CFAP70: variants seen among roughly 807,000 people sequenced by gnomAD.
CFAP70 encodes the protein cilia- and flagella-associated protein 70.
In CFAP70, 81 loss-of-function variants were observed where a neutral mutation model predicts 137.6. That is an observed-to-expected ratio of 0.59 (90% CI 0.49 to 0.71). CFAP70 has a LOEUF of 0.71. Among genes scored for constraint, CFAP70 ranks in the 30% least tolerant of loss-of-function variants. The pLI is 0.00. For missense variants in CFAP70, 976 were observed against 1,226.7 expected (o/e 0.80, Z 3.05); for synonymous variants, 382 against 423.6 (o/e 0.90, Z 1.20).
chr10:73,292,868 G>A (rs1166944543), intron 16 of CFAP70, among the ~76,000 whole-genome samples: 1 of 151,722 alleles, frequency 6.6e-6, no homozygotes, highest in East Asian at 1.9e-4. Flanking sequence ...TTCTTTGATC[G>A]ATCATGCTTC....
intron 26 of CFAP70, among the ~76,000 whole-genome samples, chr10:73,255,390 A>G (rs2044384373): frequency 1.3e-5 from 2 of 151,940 alleles, no homozygotes; most frequent in East Asian, 3.9e-4. Flanking sequence ...GCAAGACTCC[A>G]TCTCAAAAAA....
chr10:73,338,226 C>G (rs559535069), intron 6 of CFAP70, among the ~76,000 whole-genome samples: 95 of 150,316 alleles, frequency 6.3e-4, no homozygotes, highest in African/African-American at 2.1e-3. Flanking sequence ...CTCACTGCAG[C>G]CTCCGCCTCC....
upstream of CFAP70, among the ~76,000 whole-genome samples, chr10:73,361,322 GAC>G (rs2054999526): frequency 7.3e-6 from 1 of 136,636 alleles, no homozygotes; most frequent in African/African-American, 2.8e-5. Context: ...TCTTTATTGA[GAC>G]AGTCTTGCTC....
chr10:73,345,484 T>C (rs904982922), intron 4 of CFAP70, among the ~76,000 whole-genome samples: 4 of 152,054 alleles, frequency 2.6e-5, no homozygotes, highest in African/African-American at 9.7e-5. Flanking sequence ...TATATATAAA[T>C]ACATATAAAA....
chr10:73,284,407 A>G (rs1408964383), intron 19 of CFAP70, among the ~76,000 whole-genome samples: 1 of 151,994 alleles, frequency 6.6e-6, no homozygotes, highest in East Asian at 1.9e-4. Flanking sequence ...CACATTTGCA[A>G]AGTCTCTTTT....
intron 14 of CFAP70, 101 bp from the exon 16 acceptor site, chr10:73,297,274 C>T (rs962811672): frequency 7.8e-7 from 1 of 1,283,402 alleles, no homozygotes; most frequent in Admixed American, 2.7e-5. Context: ...ATCAAAATTT[C>T]AGAAAGCGAT....
chr10:73,320,979 A>G (rs959700567), intron 9 of CFAP70, among the ~76,000 whole-genome samples: 3 of 152,172 alleles, frequency 2.0e-5, no homozygotes, highest in Non-Finnish European at 2.9e-5. Flanking sequence ...TAATGGCTAC[A>G]TATTTCATCA....
chr10:73,342,842 C>T (rs1474734113), intron 5 of CFAP70, among the ~76,000 whole-genome samples: 3 of 151,672 alleles, frequency 2.0e-5, no homozygotes, highest in Non-Finnish European at 2.9e-5. Context: ...TGTGGGAGGC[C>T]GAGGCGGGCG....
chr10:73,342,148 A>G (rs1286858722), intron 5 of CFAP70, among the ~76,000 whole-genome samples: 2 of 152,244 alleles, frequency 1.3e-5, no homozygotes, highest in African/African-American at 4.8e-5. Context: ...GGTAAAATAT[A>G]TAAGTAGGCA....
At chr10:73,285,611 G>T (rs977891195) in intron 19 of CFAP70, among the ~76,000 whole-genome samples, 1 of 151,230 alleles carries the variant, frequency 6.6e-6, no homozygotes, top group Non-Finnish European at 1.5e-5. Flanking sequence ...CAGGGTTTCA[G>T]TTCATCATTT....
chr10:73,292,947 T>C (rs2048281988), intron 16 of CFAP70, among the ~76,000 whole-genome samples: 2 of 152,218 alleles, frequency 1.3e-5, no homozygotes, highest in East Asian at 3.8e-4. Flanking sequence ...CTAAAAGTGT[T>C]GTAGTTTTAC....
chr10:73,351,017 GTA>G (rs1176803728), intron 3 of CFAP70, among the ~76,000 whole-genome samples: 22 of 141,068 alleles, frequency 1.6e-4, no homozygotes, highest in Non-Finnish European at 2.6e-4. Context: ...GTATGTGTGT[GTA>G]TATATATGTG....
At chr10:73,339,569 G>A (rs2053050848) in intron 6 of CFAP70, among the ~76,000 whole-genome samples, 2 of 152,164 alleles carry the variant, frequency 1.3e-5, no homozygotes, top group African/African-American at 4.8e-5. Flanking sequence ...TGGATCCCAC[G>A]CCTGCCAAGG....
At chr10:73,256,596 GGT>G (rs2044522094) in intron 25 of CFAP70, among the ~76,000 whole-genome samples, 180 bp from the exon 27 acceptor site, 1 of 151,864 alleles carries the variant, frequency 6.6e-6, no homozygotes, top group Non-Finnish European at 1.5e-5. Flanking sequence ...GGGAGAAAAA[GGT>G]TTTTTTTTTA....
chr10:73,355,351 G>T (rs902823338), intron 1 of CFAP70, among the ~76,000 whole-genome samples: 3 of 152,210 alleles, frequency 2.0e-5, no homozygotes, highest in Admixed American at 1.3e-4. Context: ...AAAGGATCTA[G>T]GTTGTGCACT....
At chr10:73,344,863 T>A (rs999919468) in intron 5 of CFAP70, among the ~76,000 whole-genome samples, 2 of 151,952 alleles carry the variant, frequency 1.3e-5, no homozygotes, top group African/African-American at 4.8e-5. Context: ...AAATTATATT[T>A]AATGCATAAT....
chr10:73,275,575 A>T lies in CFAP70; in HGVS notation c.2544T>A (p.His848Gln), dbSNP rs760467341. The T allele has an allele frequency of 1.2e-6, 2 of 1,607,354 alleles. No homozygotes were observed. Among genetic ancestry groups the T allele is most frequent in the Non-Finnish European group, 1.7e-6 (2 of 1,177,386 alleles). Residue 848 changes from histidine (H) to glutamine (Q), a missense_variant, in exon 22 of 27, where the codon CAT becomes CAA. Transcript: ENST00000310715. The surrounding 1 kb of genome is among the most constrained non-coding windows in gnomAD (Gnocchi z 4.0). ...GGCCTCCTTGAGGGCATAACAGCTC[A>T]TGTGCAAGCACTCTGTGCACATACT...
At chr10:73,293,863 T>C (rs1441599185) in intron 15 of CFAP70, 2 of 152,400 alleles carry the variant, frequency 1.3e-5, no homozygotes, top group Non-Finnish European at 2.9e-5. Context: ...ATAGTTTTAG[T>C]AGGAAATATA....
intron 9 of CFAP70, among the ~76,000 whole-genome samples, chr10:73,316,463 G>GATATATATATATATAGATATATATATAT (rs2050344601): frequency 7.8e-6 from 1 of 128,150 alleles, no homozygotes; most frequent in Non-Finnish European, 1.6e-5. Flanking sequence ...CCTTTGTTGA[G>GATATATATATATATAGATATATATATAT]ATATATATAT....
Sources: allele counts gnomAD v4.1 joint callset (sites outside exome capture counted in the v4.1 genomes callset), GRCh38; gene constraint gnomAD v4.1.1; non-coding constraint Gnocchi (gnomAD v3.1); transcripts MANE v1.5; gene names NCBI Gene and HGNC (gene_info 2026-07-23, HGNC 2026-07-21).